The following BRCA2 variants were observed in gnomAD, a reference collection of about 807,000 sequenced individuals.
BRCA2 encodes the protein breast cancer type 2 susceptibility protein.
In BRCA2, 203 loss-of-function variants were observed where a neutral mutation model predicts 276.7. That is an observed-to-expected ratio of 0.73 (90% CI 0.65 to 0.82). BRCA2 has a LOEUF of 0.82. BRCA2 is among the 40% of genes least tolerant of loss of function. The pLI, the probability that BRCA2 is intolerant of heterozygous loss-of-function variation, is 0.00. For synonymous variants in BRCA2, 1,289 were observed against 1,338.4 expected, an observed-to-expected ratio of 0.96 and a Z score of 0.81; for missense variants, 3,920 against 3,915.0, an observed-to-expected ratio of 1.00 and a Z score of -0.03.
At chr13:32,335,082 G>C (rs989053550) in intron 10 of BRCA2, among the ~76,000 whole-genome samples, 1 of 152,114 alleles carries the variant, frequency 6.6e-6, no homozygotes, top group Non-Finnish European at 1.5e-5. Flanking sequence ...AGTGGCTCAC[G>C]CCTATAATCC....
chr13:32,375,061 G>A (rs1252319961), intron 20 of BRCA2, among the ~76,000 whole-genome samples: 1 of 152,174 alleles, frequency 6.6e-6, no homozygotes, highest in African/African-American at 2.4e-5. Context: ...AGAGAGTACA[G>A]GGAGAACTCT....
chr13:32,359,180 C>G (rs971159021), intron 16 of BRCA2, among the ~76,000 whole-genome samples: 1 of 145,762 alleles, frequency 6.9e-6, no homozygotes, highest in African/African-American at 2.5e-5. Flanking sequence ...CAAAATTGCA[C>G]CACTGCACTG....
At chr13:32,364,750 C>G (rs934314299) in intron 18 of BRCA2, among the ~76,000 whole-genome samples, 1 of 152,182 alleles carries the variant, frequency 6.6e-6, no homozygotes, top group African/African-American at 2.4e-5. Context: ...TAAAATTTCT[C>G]CATTGGTTCC....
Position 32,362,769 on chromosome 13 carries a change from T to C in BRCA2, c.7976+76T>C, listed in dbSNP as rs2072750012. The C allele has an allele frequency of 1.2e-5, 19 of 1,528,300 alleles. No homozygotes were observed. In the South Asian group the frequency reaches 2.2e-4, roughly 17 times the overall value. The allele number at this position is 1,528,300 out of a possible 1,614,324, so 94.7% of individuals were successfully genotyped here. On this transcript the variant is annotated intron_variant, in intron 17 of 26. Transcript: ENST00000380152. ...GTTTCTGTGTAGTCTGTGACTTCCA[T>C]GTCAAAATGTTGCACAAGCCAGTTG... is the stretch of plus-strand genomic sequence containing the variant.
intron 3 of BRCA2, among the ~76,000 whole-genome samples, chr13:32,324,214 C>G (rs1321320580): frequency 6.6e-6 from 1 of 152,138 alleles, no homozygotes; most frequent in Non-Finnish European, 1.5e-5. Context: ...GGGGCAAACA[C>G]TTAATCTTAC....
At chr13:32,362,791 G>A in intron 17 of BRCA2, 98 bp downstream of exon 17, 9 of 1,362,812 alleles carry the variant, frequency 6.6e-6, no homozygotes, top group East Asian at 4.7e-5. Context: ...GCACAAGCCA[G>A]TTGTCAGTGA....
chr13:32,317,370 A>T (rs895285099), intron 2 of BRCA2, among the ~76,000 whole-genome samples: 2 of 152,244 alleles, frequency 1.3e-5, no homozygotes, highest in East Asian at 3.8e-4. Context: ...CTGGCTAAAT[A>T]GAGATAGCTG....
At chr13:32,386,585 G>T (rs2072962415) in intron 24 of BRCA2, among the ~76,000 whole-genome samples, 5 of 93,438 alleles carry the variant, frequency 5.4e-5, no homozygotes, top group Admixed American at 2.9e-4. Flanking sequence ...TTTGTATGAA[G>T]CAGAAAAAAA....
At chr13:32,396,639 G>A (rs935767839) in intron 25 of BRCA2, among the ~76,000 whole-genome samples, 3 of 152,182 alleles carry the variant, frequency 2.0e-5, no homozygotes, top group Non-Finnish European at 4.4e-5. Context: ...GATTAAACTA[G>A]ATGACAGAGA....
rs1057521324 is a variant in BRCA2 at position 32,341,111 on chromosome 13, T to C, written c.6756T>C (p.Ser2252=). The change falls in exon 11 of 27, where the codon TCT becomes TCC. Residue 2252 remains serine (S), a synonymous_variant. Coordinates refer to ENST00000380152, the MANE Select transcript of BRCA2 (RefSeq NM_000059.4). The part of the protein sequence containing the change: ...DSKLPSHATH[S]LFTCPENEEM... ...AACTGCCAAGTCATGCCACACATTC[T>C]CTTTTTACATGTCCCGAAAATGAGG... The C allele has an allele frequency of 3.7e-6, 6 of 1,613,866 alleles. No individual in the cohort carries two copies. The highest frequency in any genetic ancestry group is 1.3e-5 in the African/African-American group (1 of 74,928).
At position 32,329,471 on chromosome 13, in the gene BRCA2, ATT is replaced by A. The variant is rs80359609; in HGVS notation, c.662_663del (p.Phe221SerfsTer3). The stretch of plus-strand genomic sequence containing the variant: ...GAAATGAAGAAGCATCTGAAACTGT[ATT>A]TCCTCATGATACTACTGCTGTAAGT... ...VRNEEASETVFPHDTTANVKS... is the reference protein window; with the variant it reads ...VRNEEASETVXPHDTTANVKS... On this transcript the variant is annotated frameshift_variant, in exon 8 of 27. Coordinates refer to ENST00000380152, the MANE Select transcript of BRCA2 (RefSeq NM_000059.4). LOFTEE classifies it high-confidence loss of function. 6.3e-7 allele frequency: 1 copy of A among 1,598,568 alleles called. No homozygotes were observed. Among genetic ancestry groups the A allele is most frequent in the Non-Finnish European group, 8.6e-7 (1 of 1,167,706 alleles).
At chr13:32,395,612 A>T (rs981490503) in intron 25 of BRCA2, among the ~76,000 whole-genome samples, 2 of 152,320 alleles carry the variant, frequency 1.3e-5, no homozygotes, top group Admixed American at 6.5e-5. Flanking sequence ...AGGCCATCGA[A>T]TGCAGAACCC....
At chr13:32,393,548 G>A (rs2073012136) in intron 24 of BRCA2, among the ~76,000 whole-genome samples, 1 of 150,992 alleles carries the variant, frequency 6.6e-6, no homozygotes, top group African/African-American at 2.4e-5. Flanking sequence ...TTCACTTTTT[G>A]AACACTTCCT....
chr13:32,339,298 C>G lies in BRCA2; in HGVS notation c.4943C>G (p.Ala1648Gly). 6.2e-7 allele frequency: 1 copy of G among 1,604,040 alleles called. No homozygotes were observed. Among genetic ancestry groups the G allele is most frequent in the South Asian group, 1.1e-5 (1 of 88,748 alleles). Residue 1648 changes from alanine to glycine, a missense_variant, in exon 11 of 27, where the codon GCA (alanine) becomes GGA (glycine). By Grantham distance (60) the Ala-to-Gly change is moderately conservative. Coordinates refer to ENST00000380152, the MANE Select transcript of BRCA2 (RefSeq NM_000059.4). ...KVHENVEKETAKSPATCYTNQ... is the reference protein window; with the variant it reads ...KVHENVEKETGKSPATCYTNQ... Reference sequence around the variant, plus strand: ...CATGAAAATGTAGAAAAAGAAACAGCAAAAAGTCCTGCAACTTGTTACACA... The same window carrying G: ...CATGAAAATGTAGAAAAAGAAACAGGAAAAAGTCCTGCAACTTGTTACACA...
rs587781906 is a variant in BRCA2 at position 32,333,261 on chromosome 13, C to A, written c.1783C>A (p.His595Asn). Reference protein sequence around the residue: ...KKTNKFIYAIHDETSYKGKKI... With the variant: ...KKTNKFIYAINDETSYKGKKI... ...AACAAATAAGTTTATTTATGCTATA[C>A]ATGATGAAACATCTTATAAAGGAAA... Residue 595 changes from histidine to asparagine, a missense_variant, in exon 10 of 27, where the codon CAT becomes AAT. Physicochemically the swap from His to Asn is moderately conservative, Grantham distance 68. Around this residue, in one of 2 missense-constraint regions of BRCA2, gnomAD observed 3,263 missense variants for 3,156.9 expected, o/e 1.03. Transcript: ENST00000380152. 6.2e-7 allele frequency: 1 copy of A among 1,607,990 alleles called. No individual in the cohort carries two copies. Among genetic ancestry groups the A allele is most frequent in the African/African-American group, 1.3e-5 (1 of 74,452 alleles).
intron 20 of BRCA2, 88 bp downstream of exon 20, chr13:32,371,188 A>G (rs1566249519): frequency 7.1e-7 from 1 of 1,409,192 alleles, no homozygotes; most frequent in South Asian, 1.3e-5. Flanking sequence ...TAATGAGTAA[A>G]TTGTTTTTAT....
At position 32,337,184 on chromosome 13, in the gene BRCA2, TAA is replaced by T. The variant is rs80359356; in HGVS notation, c.2834_2835del (p.Lys945ArgfsTer13). On this transcript the variant is annotated frameshift_variant, in exon 11 of 27. Coordinates refer to ENST00000380152, the MANE Select transcript of BRCA2 (RefSeq NM_000059.4). LOFTEE classifies it high-confidence loss of function. The stretch of plus-strand genomic sequence containing the variant: ...ATAAACAAGCAACCCAAGTGTCAAT[TAA>T]AAAAGATTTGGTTTATGTTCTTGCA... ...GDKQATQVSI[K>X]KDLVYVLAEE... The T allele has an allele frequency of 3.1e-6, 5 of 1,613,594 alleles. No homozygotes were observed. The highest frequency in any genetic ancestry group is 4.2e-6 in the Non-Finnish European group (5 of 1,179,812).
intron 18 of BRCA2, among the ~76,000 whole-genome samples, chr13:32,370,115 A>G (rs1013426877): frequency 1.3e-5 from 2 of 152,192 alleles, no homozygotes; most frequent in African/African-American, 4.8e-5. Context: ...ATTTTAAACT[A>G]TTATGTTTAA....
rs1135401833 is a variant in BRCA2, at chr13:32,340,917, A to G, written c.6562A>G (p.Lys2188Glu). Reference protein sequence around the residue: ...HVLGKEQASPKNVKMEIGKTE... With the variant: ...HVLGKEQASPENVKMEIGKTE... The stretch of plus-strand genomic sequence containing the variant: ...TTTGGGAAAAGAACAGGCTTCACCT[A>G]AAAACGTAAAAATGGAAATTGGTAA... The change falls in exon 11 of 27, where the codon AAA becomes GAA. Residue 2188 changes from lysine (K) to glutamate (E), a missense_variant. Lys to Glu is a moderately conservative substitution (Grantham distance 56). Transcript: ENST00000380152. The G allele has an allele frequency of 1.2e-6, 2 of 1,609,902 alleles. No individual in the cohort carries two copies. The highest frequency in any genetic ancestry group is 1.7e-6 in the Non-Finnish European group (2 of 1,179,012).
Sources: allele counts gnomAD v4.1 joint callset (sites outside exome capture counted in the v4.1 genomes callset), GRCh38; gene constraint gnomAD v4.1.1; regional missense constraint gnomAD v4.1.1; transcripts MANE v1.5; gene names NCBI Gene and HGNC (gene_info 2026-07-23, HGNC 2026-07-21).